CSMD3: variants seen among roughly 807,000 people sequenced by gnomAD.
CSMD3 encodes CUB and sushi domain-containing protein 3.
A neutral mutation model predicts 435.2 loss-of-function variants in CSMD3; 177 were observed. The ratio of observed to expected loss-of-function variants is 0.41; its 90% confidence interval spans 0.36 to 0.46. CSMD3 has a LOEUF of 0.46. Among genes scored for constraint, CSMD3 ranks in the 20% least tolerant of loss-of-function variants. CSMD3 has a pLI of 0.34. For missense variants in CSMD3, 4,265 were observed against 4,504.6 expected, an observed-to-expected ratio of 0.95 and a Z score of 1.52; for synonymous variants, 1,656 against 1,520.5, an observed-to-expected ratio of 1.09 and a Z score of -2.07.
At chr8:112,536,626 C>A (rs1479933936) in intron 27 of CSMD3, among the ~76,000 whole-genome samples, 1 of 152,016 alleles carries the variant, frequency 6.6e-6, no homozygotes. Context: ...CCTCAGGGAT[C>A]TAGAACTAGA....
intron 10 of CSMD3, among the ~76,000 whole-genome samples, chr8:112,893,706 A>T (rs1268896299): frequency 6.6e-6 from 1 of 151,370 alleles, no homozygotes; most frequent in East Asian, 2.0e-4. Flanking sequence ...TTGAGATAAT[A>T]CGGTTTTATT....
At chr8:112,957,814 C>T (rs2084083651) in intron 7 of CSMD3, among the ~76,000 whole-genome samples, 3 of 152,184 alleles carry the variant, frequency 2.0e-5, no homozygotes, top group Admixed American at 6.5e-5. Flanking sequence ...GGCGTGATCT[C>T]GGCTCACTGC....
intron 22 of CSMD3, among the ~76,000 whole-genome samples, chr8:112,599,281 C>G (rs1832081640): frequency 1.3e-5 from 2 of 151,660 alleles, no homozygotes; most frequent in African/African-American, 4.9e-5. Flanking sequence ...CTCATCACCA[C>G]TGGCCATCAG....
intron 22 of CSMD3, among the ~76,000 whole-genome samples, chr8:112,630,763 G>A (rs1586843359): frequency 6.6e-6 from 1 of 152,250 alleles, no homozygotes; most frequent in East Asian, 1.9e-4. Context: ...AATAAAGAGT[G>A]CAGAAAGAAA....
At chr8:113,053,308 A>G (rs1264097911) in intron 5 of CSMD3, among the ~76,000 whole-genome samples, 1 of 152,046 alleles carries the variant, frequency 6.6e-6, no homozygotes, top group Non-Finnish European at 1.5e-5. Flanking sequence ...ACTTTTTCTA[A>G]TTTTAGCTTT....
rs76386389 is a variant in CSMD3 at position 113,363,676 on chromosome 8, A to T, written c.179-48883T>A. The stretch of plus-strand genomic sequence containing the variant: ...TGAGTCTAATTTTCCTCCACCTCTC[A>T]CTAATAAGAACTGAATTTGGATACC... On this transcript the variant is annotated intron_variant, in intron 1 of 70. Coordinates refer to ENST00000297405, the MANE Select transcript of CSMD3 (RefSeq NM_198123.2). Among the ~76,000 whole-genome samples, 1,263 of 152,124 alleles carry T rather than the reference A, an allele frequency of 8.3e-3. 16 individuals are homozygous for T. The highest frequency in any genetic ancestry group is 0.029 in the African/African-American group (1,183 of 41,488).
chr8:112,452,887 T>A (rs1024634035), intron 32 of CSMD3, among the ~76,000 whole-genome samples: 35 of 152,134 alleles, frequency 2.3e-4, no homozygotes, highest in African/African-American at 8.2e-4. Flanking sequence ...TGAAATACAC[T>A]GAAAAGAATC....
At chr8:112,908,750 T>C (rs372102563) in intron 10 of CSMD3, among the ~76,000 whole-genome samples, 4 of 151,696 alleles carry the variant, frequency 2.6e-5, no homozygotes, top group South Asian at 2.1e-4. Flanking sequence ...TTTATGGTCA[T>C]GAAAATGAAG....
intron 20 of CSMD3, among the ~76,000 whole-genome samples, chr8:112,640,013 C>T (rs1339676464): frequency 2.0e-5 from 3 of 152,074 alleles, no homozygotes; most frequent in Non-Finnish European, 2.9e-5. Flanking sequence ...TACAAAGTGG[C>T]CATGCTGATT....
In CSMD3 at chr8:112,351,247, A is replaced by G; in HGVS notation, c.6256-3T>C. 1 of 1,599,568 alleles carries G rather than the reference A, an allele frequency of 6.3e-7. No individual in the cohort carries two copies. The highest frequency in any genetic ancestry group is 1.1e-5 in the South Asian group (1 of 90,812). On this transcript the variant is annotated splice_polypyrimidine_tract_variant and splice_region_variant and intron_variant, in intron 39 of 70. Transcript: ENST00000297405. ...ATACATGTAATGTGAGAGTGACCCT[A>G]CATAAACAAAATGATGTGGTTCAGT...
chr8:112,820,092 A>G (rs1171164782), intron 12 of CSMD3, among the ~76,000 whole-genome samples: 1 of 152,166 alleles, frequency 6.6e-6, no homozygotes, highest in Non-Finnish European at 1.5e-5. Context: ...TCAATTATTT[A>G]TTACATAATT....
At chr8:112,416,669 T>C (rs963358584) in intron 32 of CSMD3, among the ~76,000 whole-genome samples, 1 of 152,310 alleles carries the variant, frequency 6.6e-6, no homozygotes, top group Middle Eastern at 3.4e-3. Flanking sequence ...ATGATTACCA[T>C]AATTCAATGA....
chr8:113,361,510 A>G (rs1387275907), intron 1 of CSMD3, among the ~76,000 whole-genome samples: 2 of 152,170 alleles, frequency 1.3e-5, no homozygotes, highest in African/African-American at 4.8e-5. Context: ...TAAACATAAT[A>G]ATAATTTGAC....
At chr8:112,909,371 C>A (rs949837747) in intron 10 of CSMD3, among the ~76,000 whole-genome samples, 8 of 151,336 alleles carry the variant, frequency 5.3e-5, no homozygotes, top group African/African-American at 1.2e-4. Context: ...AAATATTGGC[C>A]TTAACAATGT....
At chr8:112,494,060 C>A (rs1048223051) in intron 30 of CSMD3, among the ~76,000 whole-genome samples, 1 of 151,936 alleles carries the variant, frequency 6.6e-6, no homozygotes, top group Admixed American at 6.6e-5. Flanking sequence ...TTAACTATAC[C>A]AGTAAGAATA....
At chr8:112,478,619 A>G (rs766611368) in intron 31 of CSMD3, among the ~76,000 whole-genome samples, 1 of 152,156 alleles carries the variant, frequency 6.6e-6, no homozygotes, top group Non-Finnish European at 1.5e-5. Context: ...AAACCGTTCA[A>G]GAGGTGGCCT....
At chr8:112,976,227 A>T in intron 6 of CSMD3, 79 bp from the exon 7 acceptor site, 1 of 1,485,234 alleles carries the variant, frequency 6.7e-7, no homozygotes, top group Non-Finnish European at 9.3e-7. Flanking sequence ...TTAATCAATC[A>T]TATTCTCTTC....
At chr8:112,475,531 AGT>A (rs1818957447) in intron 31 of CSMD3, among the ~76,000 whole-genome samples, 1 of 152,146 alleles carries the variant, frequency 6.6e-6, no homozygotes, top group Non-Finnish European at 1.5e-5. Flanking sequence ...ATAATTATGC[AGT>A]GTGTTATTAT....
At chr8:113,062,199 A>G (rs980239945) in intron 5 of CSMD3, among the ~76,000 whole-genome samples, 1 of 151,842 alleles carries the variant, frequency 6.6e-6, no homozygotes, top group Non-Finnish European at 1.5e-5. Flanking sequence ...TTTTTGTACA[A>G]AAAAAGTTCA....
Sources: allele counts gnomAD v4.1 joint callset (sites outside exome capture counted in the v4.1 genomes callset), GRCh38; gene constraint gnomAD v4.1.1; transcripts MANE v1.5; gene names NCBI Gene and HGNC (gene_info 2026-07-23, HGNC 2026-07-21).